The following ANK3 variants were observed in gnomAD, a reference collection of about 807,000 sequenced individuals.
The protein encoded by ANK3 is ankyrin 3.
A neutral mutation model predicts 370.9 loss-of-function variants in ANK3; 57 were observed. That is an observed-to-expected ratio of 0.15 (90% CI 0.12 to 0.19). The LOEUF is 0.19. Ranked by LOEUF, ANK3 falls within the 10% of genes least tolerant of loss-of-function variation. The pLI is 1.00. For synonymous variants in ANK3, 1,929 were observed against 1,946.3 expected (o/e 0.99, Z 0.23); for missense variants, 4,439 against 5,302.1 (o/e 0.84, Z 5.06).
intron 1 of ANK3, among the ~76,000 whole-genome samples, chr10:60,677,795 AAAAAGAAAAG>A (rs1257847477): frequency 2.3e-4 from 35 of 151,396 alleles, no homozygotes; most frequent in African/African-American, 3.4e-4. Context: ...AAAAAAAAAA[AAAAAGAAAAG>A]AAAAGAAAAG....
chr10:60,674,154 A>G (rs970521435), intron 1 of ANK3, among the ~76,000 whole-genome samples: 9 of 152,316 alleles, frequency 5.9e-5, no homozygotes, highest in African/African-American at 1.9e-4. Flanking sequence ...CTTCATTCCA[A>G]TAATTTTTTT....
intron 2 of ANK3, among the ~76,000 whole-genome samples, chr10:60,541,527 C>T (rs2076848677): frequency 6.6e-6 from 1 of 151,924 alleles, no homozygotes; most frequent in Non-Finnish European, 1.5e-5. Context: ...ATTTTTACAT[C>T]TTGTTCATAG....
chr10:60,186,347 C>CTCTCTTTTTTT (rs565262395), intron 17 of ANK3, among the ~76,000 whole-genome samples: 47 of 133,262 alleles, frequency 3.5e-4, no homozygotes, highest in African/African-American at 1.3e-3. Flanking sequence ...ATCTTTCTGT[C>CTCTCTTTTTTT]TTTTTTTTTT....
intron 1 of ANK3, among the ~76,000 whole-genome samples, chr10:60,369,229 G>A (rs1307823303): frequency 3.3e-5 from 5 of 152,188 alleles, no homozygotes; most frequent in East Asian, 3.8e-4. Context: ...ACATTTACAC[G>A]AAAGCTGAAG....
At chr10:60,067,854 A>T in intron 38 of ANK3, 81 bp downstream of exon 38, 2 of 1,133,714 alleles carry the variant, frequency 1.8e-6, no homozygotes, top group South Asian at 1.9e-5. Context: ...CTATTTTTAA[A>T]ATATATATAT....
intron 1 of ANK3, among the ~76,000 whole-genome samples, chr10:60,281,639 T>C (rs558810343): frequency 2.2e-4 from 33 of 152,318 alleles, no homozygotes; most frequent in African/African-American, 7.7e-4. Flanking sequence ...AAGTTTTTTG[T>C]GAATGAATGC....
Position 60,687,447 on chromosome 10 carries a change from A to T in ANK3, c.57+45816T>A, listed in dbSNP as rs957903607. Among the ~76,000 whole-genome samples, 20 of 152,278 alleles carry T rather than the reference A, an allele frequency of 1.3e-4. No homozygotes were observed. The East Asian group carries it at 3.5e-3, about 26-fold the overall frequency. On this transcript the variant is annotated intron_variant, in intron 1 of 43. Transcript: ENST00000373827. ...AGATGGTCAACAGGCACACAAAAAAAATGCTCGACATCACTAATCATTAGG... is the reference window on the plus strand; with the variant it reads ...AGATGGTCAACAGGCACACAAAAAATATGCTCGACATCACTAATCATTAGG...
intron 2 of ANK3, among the ~76,000 whole-genome samples, chr10:60,521,274 C>T (rs925293329): frequency 8.6e-5 from 13 of 151,980 alleles, no homozygotes; most frequent in African/African-American, 2.4e-4. Context: ...TGAATTACAT[C>T]GTATTGCAAC....
At chr10:60,535,482 T>A (rs146477682) in intron 2 of ANK3, among the ~76,000 whole-genome samples, 2 of 152,178 alleles carry the variant, frequency 1.3e-5, no homozygotes, top group African/African-American at 4.8e-5. Flanking sequence ...AAATACATAC[T>A]GGTGGGCTAT....
At chr10:60,677,784 C>CAAAAAAAAAA (rs752482255) in intron 1 of ANK3, among the ~76,000 whole-genome samples, 2 of 99,266 alleles carry the variant, frequency 2.0e-5, no homozygotes, top group African/African-American at 3.7e-5. Context: ...CTCAACTACC[C>CAAAAAAAAAA]AAAAAAAAAA....
At chr10:60,703,459 G>C (rs1248278095) in intron 1 of ANK3, among the ~76,000 whole-genome samples, 3 of 152,088 alleles carry the variant, frequency 2.0e-5, no homozygotes, top group African/African-American at 7.2e-5. Context: ...AGGTAGATGG[G>C]AGTTCATTCT....
intron 1 of ANK3, among the ~76,000 whole-genome samples, chr10:60,355,982 G>A (rs1022392030): frequency 6.6e-6 from 1 of 152,194 alleles, no homozygotes; most frequent in South Asian, 2.1e-4. Context: ...TGTGGGCATC[G>A]TGGTAGGATT....
At chr10:60,187,885 T>C (rs2096385034) in intron 16 of ANK3, among the ~76,000 whole-genome samples, 3 of 152,170 alleles carry the variant, frequency 2.0e-5, no homozygotes, top group Admixed American at 1.3e-4. Flanking sequence ...GCAGCCAGCA[T>C]CTGTCAGCTG....
At chr10:60,342,049 T>C (rs2054401871) in intron 1 of ANK3, among the ~76,000 whole-genome samples, 2 of 152,132 alleles carry the variant, frequency 1.3e-5, no homozygotes, top group South Asian at 4.1e-4. Context: ...GAAAGTTTCA[T>C]TTGGTAAAAA....
intron 2 of ANK3, among the ~76,000 whole-genome samples, chr10:60,531,140 C>T (rs2076596864): frequency 6.6e-6 from 1 of 152,050 alleles, no homozygotes; most frequent in South Asian, 2.1e-4. Flanking sequence ...TGGGTGGCTG[C>T]TTGTTATTTG....
chr10:60,377,597 G>A (rs537292772), intron 1 of ANK3, among the ~76,000 whole-genome samples: 1 of 152,106 alleles, frequency 6.6e-6, no homozygotes, highest in Non-Finnish European at 1.5e-5. Flanking sequence ...ATGAGGGAGA[G>A]ATAAAAATTA....
At chr10:60,261,835 T>C (rs16914671) in intron 7 of ANK3, 24 bp downstream of exon 7, 50,361 of 1,598,872 alleles carry the variant, frequency 0.031, 1,235 homozygotes, top group African/African-American at 0.12. Context: ...GCTTTAAAGG[T>C]ATTACACATT....
At chr10:60,492,117 G>C (rs556728214) in intron 2 of ANK3, among the ~76,000 whole-genome samples, 133 of 152,266 alleles carry the variant, frequency 8.7e-4, no homozygotes, top group South Asian at 1.7e-3. Context: ...TTGTAGCCTA[G>C]GAGTAATAAA....
chr10:60,475,478 A>G (rs2075038519), intron 2 of ANK3, among the ~76,000 whole-genome samples: 1 of 152,182 alleles, frequency 6.6e-6, no homozygotes, highest in Non-Finnish European at 1.5e-5. Context: ...TTCAGAGCGG[A>G]CAATAGAAGT....
Sources: allele counts gnomAD v4.1 joint callset (sites outside exome capture counted in the v4.1 genomes callset), GRCh38; gene constraint gnomAD v4.1.1; transcripts MANE v1.5; gene names NCBI Gene and HGNC (gene_info 2026-07-23, HGNC 2026-07-21).